Variants in TMPRSS15 observed in about 807,000 individuals in gnomAD.
The protein encoded by TMPRSS15 is transmembrane serine protease 15.
In TMPRSS15, 128 loss-of-function variants were observed where a neutral mutation model predicts 125.3. The ratio of observed to expected loss-of-function variants is 1.02; its 90% CI spans 0.89 to 1.18. The LOEUF is 1.18. TMPRSS15 is among the 50% of genes most tolerant of loss of function. The pLI is 0.00. For missense variants in TMPRSS15, 1,283 were observed against 1,212.7 expected, an observed-to-expected ratio of 1.06 and a Z score of -0.86; for synonymous variants, 446 against 423.2, an observed-to-expected ratio of 1.05 and a Z score of -0.66.
intron 1 of TMPRSS15, among the ~76,000 whole-genome samples, chr21:18,431,156 T>C (rs2123211255): frequency 6.6e-6 from 1 of 152,322 alleles, no homozygotes; most frequent in African/African-American, 2.4e-5. Flanking sequence ...ATTTTATACT[T>C]GCTGTGTTAG....
chr21:18,413,330 TCCTTCC>T (rs1460408282), intron 1 of TMPRSS15, among the ~76,000 whole-genome samples: 1 of 138,720 alleles, frequency 7.2e-6, no homozygotes, highest in Non-Finnish European at 1.6e-5. Context: ...CTTCCTTCCT[TCCTTCC>T]TTCCTTCCTT....
Position 18,383,726 on chromosome 21 carries a change from C to T in TMPRSS15, c.397G>A (p.Asp133Asn). 2 of 1,613,828 alleles carry T rather than the reference C, an allele frequency of 1.2e-6. No homozygotes were observed. Among genetic ancestry groups the T allele is most frequent in the African/African-American group, 2.7e-5 (2 of 75,054 alleles). The change falls in exon 4 of 25, where the codon GAT becomes AAT. Residue 133 changes from aspartate to asparagine, a missense_variant. By Grantham distance (23) the Asp-to-Asn change is conservative. Transcript: ENST00000284885. ...ATCAGTTCTTCTTTTACATTTTCAT[C>T]TGACACCCACTGGGCAAAGAAAAGG... ...FDLFFAQWVS[D>N]ENVKEELIQG...
intron 1 of TMPRSS15, among the ~76,000 whole-genome samples, chr21:18,409,082 A>G (rs1366741066): frequency 6.6e-6 from 1 of 152,046 alleles, no homozygotes; most frequent in Non-Finnish European, 1.5e-5. Flanking sequence ...TTTATACTTG[A>G]CTGATAATAT....
chr21:18,287,069 ACTTTT>A lies in TMPRSS15; in HGVS notation c.2487-5853_2487-5849del, dbSNP rs2074773479. On this transcript the variant is annotated intron_variant, in intron 21 of 24. Transcript: ENST00000284885. ...TCTTATCATATTTTCTGTTCATACT[ACTTTT>A]CTTTACTGCATGTATCACTGCTAAA... 2.0e-5 allele frequency among the ~76,000 whole-genome samples: 3 copies of A among 152,238 alleles called. No individual in the cohort carries two copies. The South Asian group carries it at 6.2e-4, about 32-fold the overall frequency.
At chr21:18,414,842 T>C (rs893412391) in intron 1 of TMPRSS15, among the ~76,000 whole-genome samples, 2 of 152,178 alleles carry the variant, frequency 1.3e-5, no homozygotes, top group Non-Finnish European at 2.9e-5. Context: ...GATATCTCTT[T>C]GTGACCCTGA....
Position 18,472,099 on chromosome 21 carries a change from G to A in TMPRSS15, c.10+13700C>T, listed in dbSNP as rs376712680. On this transcript the variant is annotated intron_variant, in intron 1 of 7. Coordinates refer to the TMPRSS15 transcript ENST00000422787. ...TTGCTTTAGAAGAAGATCTCATTAC[G>A]TAAATAACAAAATCAAGATGGAAAG... 1.7e-4 allele frequency among the ~76,000 whole-genome samples: 26 copies of A among 151,802 alleles called. No individual in the cohort carries two copies. The South Asian group carries it at 3.9e-3, about 23-fold the overall frequency.
chr21:18,439,677 CAA>C (rs2076236588), intron 1 of TMPRSS15, among the ~76,000 whole-genome samples: 1 of 151,510 alleles, frequency 6.6e-6, no homozygotes, highest in African/African-American at 2.4e-5. Context: ...ATGAAAGTGA[CAA>C]GAATCAATAA....
chr21:18,272,497 G>T (rs1203579227), intron 24 of TMPRSS15, among the ~76,000 whole-genome samples: 7 of 152,142 alleles, frequency 4.6e-5, no homozygotes, highest in Admixed American at 4.6e-4. Flanking sequence ...GCCGAGACGG[G>T]TGGATCACCT....
Position 18,397,876 on chromosome 21 carries a change from C to G in TMPRSS15, c.344+3G>C. 6.5e-7 allele frequency: 1 copy of G among 1,527,952 alleles called. No homozygotes were observed. The highest frequency in any genetic ancestry group is 8.9e-7 in the Non-Finnish European group (1 of 1,118,606). The allele number at this position is 1,527,952 out of a possible 1,614,324, so 94.6% of individuals were successfully genotyped here. A position where few individuals can be genotyped will look rare whatever the true frequency, so the allele number is the denominator to read the frequency against. On this transcript the variant is annotated splice_donor_region_variant and intron_variant, in intron 3 of 24. Coordinates refer to ENST00000284885, the MANE Select transcript of TMPRSS15 (RefSeq NM_002772.3). ...CAGTAGAAAATTTTTGAGCTATACTCACTCAAATTGTAAAACTCTTGAGTT... is the reference window on the plus strand; with the variant it reads ...CAGTAGAAAATTTTTGAGCTATACTGACTCAAATTGTAAAACTCTTGAGTT...
intron 10 of TMPRSS15, among the ~76,000 whole-genome samples, chr21:18,345,740 C>CATAAAAAA (rs2075500530): frequency 6.4e-5 from 1 of 15,556 alleles, no homozygotes; most frequent in Non-Finnish European, 1.4e-4. Flanking sequence ...GACTCCGTCT[C>CATAAAAAA]AAAAAAAAAA....
In TMPRSS15 at chr21:18,326,536, A is replaced by G; in HGVS notation, c.1817T>C (p.Phe606Ser). Reference sequence around the variant, plus strand: ...CACAGTCATTCTGTTGGTGGTAGAGAACACATCCTTTACTGGGCCAGGCCC... The same window carrying G: ...CACAGTCATTCTGTTGGTGGTAGAGGACACATCCTTTACTGGGCCAGGCCC... ...YTGPGPVKDV[F>S]STTNRMTVLL... The change falls in exon 16 of 25, where the codon TTC (phenylalanine) becomes TCC (serine). Residue 606 changes from phenylalanine (F) to serine (S), a missense_variant. Physicochemically the swap from Phe to Ser is radical, Grantham distance 155. Coordinates refer to ENST00000284885, the MANE Select transcript of TMPRSS15 (RefSeq NM_002772.3). The G allele has an allele frequency of 6.2e-7, 1 of 1,614,130 alleles. No homozygotes were observed.
intron 1 of TMPRSS15, among the ~76,000 whole-genome samples, chr21:18,471,603 C>A (rs911155547): frequency 6.6e-6 from 1 of 152,040 alleles, no homozygotes; most frequent in Non-Finnish European, 1.5e-5. Flanking sequence ...GGGATAGACA[C>A]GGTGTCTTAC....
At chr21:18,305,183 CTTTT>C (rs59103494) in intron 18 of TMPRSS15, among the ~76,000 whole-genome samples, 15 of 86,054 alleles carry the variant, frequency 1.7e-4, no homozygotes, top group African/African-American at 6.2e-4. Context: ...AATTTCCGTA[CTTTT>C]TTTTTTTTTT....
chr21:18,280,843 A>G (rs1407836368), intron 22 of TMPRSS15, among the ~76,000 whole-genome samples, 197 bp downstream of exon 22: 1 of 152,158 alleles, frequency 6.6e-6, no homozygotes, highest in Non-Finnish European at 1.5e-5. Context: ...TCTTTCTGGA[A>G]AGTTGAATTT....
intron 21 of TMPRSS15, among the ~76,000 whole-genome samples, chr21:18,291,664 GT>G (rs1221906123): frequency 6.6e-6 from 1 of 152,056 alleles, no homozygotes; most frequent in Admixed American, 6.6e-5. Context: ...TGATAAAACA[GT>G]TTTTGATTAA....
intron 7 of TMPRSS15, among the ~76,000 whole-genome samples, chr21:18,364,191 C>A (rs1313394873): frequency 6.6e-6 from 1 of 152,022 alleles, no homozygotes; most frequent in African/African-American, 2.4e-5. Flanking sequence ...CAATATCAAT[C>A]ATCATCAATA....
At chr21:18,445,322 A>T (rs1262668834) in intron 1 of TMPRSS15, among the ~76,000 whole-genome samples, 1 of 151,548 alleles carries the variant, frequency 6.6e-6, no homozygotes, top group Non-Finnish European at 1.5e-5. Flanking sequence ...CTGAGATTAC[A>T]GTCATGCACC....
intron 1 of TMPRSS15, among the ~76,000 whole-genome samples, chr21:18,412,376 A>C (rs1359893194): frequency 6.6e-6 from 1 of 152,222 alleles, no homozygotes; most frequent in Admixed American, 6.5e-5. Context: ...GTCTTAACAC[A>C]ATTCCAGGAA....
intron 9 of TMPRSS15, 41 bp downstream of exon 9, chr21:18,353,682 G>A (rs764751975): frequency 4.5e-6 from 7 of 1,569,372 alleles, no homozygotes; most frequent in South Asian, 3.4e-5. Flanking sequence ...TAACATTAAA[G>A]CATCTAAAAA....
Sources: allele counts gnomAD v4.1 joint callset (sites outside exome capture counted in the v4.1 genomes callset), GRCh38; gene constraint gnomAD v4.1.1; transcripts MANE v1.5; gene names NCBI Gene and HGNC (gene_info 2026-07-23, HGNC 2026-07-21).